The following CORO7 variants were observed in gnomAD, a reference collection of about 807,000 sequenced individuals.
CORO7 encodes the protein coronin 7.
In CORO7, 107 loss-of-function variants were observed where a neutral mutation model predicts 126.6. The ratio of observed to expected loss-of-function variants is 0.85; its 90% CI spans 0.72 to 0.99. The LOEUF (loss-of-function observed/expected upper bound fraction) is 0.99, where lower values mean the gene tolerates loss of function less well. Ranked by LOEUF, CORO7 falls within the 50% of genes least tolerant of loss-of-function variation. The pLI is 0.00. For missense variants in CORO7, 1,314 were observed against 1,255.8 expected, an observed-to-expected ratio of 1.05 and a Z score of -0.70; for synonymous variants, 603 against 536.8, an observed-to-expected ratio of 1.12 and a Z score of -1.70.
chr16:4,359,434 C>T, intron 22 of CORO7, 46 bp downstream of exon 22: 4 of 1,613,450 alleles, frequency 2.5e-6, no homozygotes, highest in Non-Finnish European at 2.5e-6. Flanking sequence ...ACTGGCCTTC[C>T]CCCCACCACC....
chr16:4,355,271 C>A lies in CORO7; in HGVS notation c.2772+15G>T. 1 of 1,613,108 alleles carries A rather than the reference C, an allele frequency of 6.2e-7. No homozygotes were observed. The highest frequency in any genetic ancestry group is 8.5e-7 in the Non-Finnish European group (1 of 1,179,760). On this transcript the variant is annotated intron_variant, in intron 27 of 27. Transcript: ENST00000251166. ...CCGCGCTGCCTGCCGGGAAGTGAGG[C>A]CACTCACTACTCACCCACTCGTCCT...
intron 9 of CORO7, chr16:4,381,629 G>A (rs576963574): frequency 1.2e-5 from 19 of 1,598,430 alleles, no homozygotes; most frequent in African/African-American, 4.0e-5. Flanking sequence ...GGCAACACCC[G>A]CATTGCCCAG....
chr16:4,382,225 C>T (rs764619660), intron 9 of CORO7: 21 of 1,604,840 alleles, frequency 1.3e-5, no homozygotes, highest in South Asian at 1.2e-4. Flanking sequence ...GCAGGGGACA[C>T]GGCCCAGCCC....
chr16:4,358,236 C>G, intron 24 of CORO7, 131 bp downstream of exon 24: 1 of 1,531,102 alleles, frequency 6.5e-7, no homozygotes, highest in Non-Finnish European at 8.8e-7. Context: ...TTCAGCATCT[C>G]AGCAGAAGGG....
intron 9 of CORO7, among the ~76,000 whole-genome samples, chr16:4,367,931 A>T (rs972482691): frequency 6.6e-5 from 10 of 152,212 alleles, no homozygotes; most frequent in African/African-American, 2.4e-4. Context: ...CTAGTGACTC[A>T]TGTCTGTGAT....
intron 6 of CORO7, among the ~76,000 whole-genome samples, chr16:4,400,821 T>TAATAATAATAATAAC (rs1382557219): frequency 1.3e-5 from 2 of 149,190 alleles, no homozygotes; most frequent in African/African-American, 4.9e-5. Flanking sequence ...ATAATAATAA[T>TAATAATAATAATAAC]AATAATAATA....
intron 9 of CORO7, among the ~76,000 whole-genome samples, chr16:4,368,950 C>T (rs1046989448): frequency 6.6e-6 from 1 of 152,148 alleles, no homozygotes; most frequent in African/African-American, 2.4e-5. Context: ...CTCCTGTGGC[C>T]CCTCTGCTGC....
At chr16:4,371,488 C>T (rs2054518506) in intron 9 of CORO7, among the ~76,000 whole-genome samples, 1 of 152,260 alleles carries the variant, frequency 6.6e-6, no homozygotes, top group South Asian at 2.1e-4. Context: ...CCACTCCCGC[C>T]ATCCTGCCTC....
chr16:4,410,653 C>T (rs1395300668), intron 3 of CORO7, among the ~76,000 whole-genome samples: 5 of 152,182 alleles, frequency 3.3e-5, no homozygotes, highest in Non-Finnish European at 7.3e-5. Flanking sequence ...GTGAAAGATG[C>T]CAGATTCCAA....
chr16:4,382,933 C>G (rs2055053775), intron 9 of CORO7: 1 of 1,462,312 alleles, frequency 6.8e-7, no homozygotes, highest in Non-Finnish European at 9.0e-7. Flanking sequence ...GGGCCGGGCT[C>G]TCAGCCAGTG....
At chr16:4,401,530 C>T (rs754785175) in intron 6 of CORO7, among the ~76,000 whole-genome samples, 2 of 152,096 alleles carry the variant, frequency 1.3e-5, no homozygotes, top group Non-Finnish European at 2.9e-5. Context: ...CTCCACACCT[C>T]GGATTCAGAG....
intron 21 of CORO7, 74 bp from the exon 22 acceptor site, chr16:4,359,695 G>C: frequency 6.6e-7 from 1 of 1,512,462 alleles, no homozygotes; most frequent in Non-Finnish European, 8.9e-7. Flanking sequence ...AGGCGCCCAC[G>C]TAGCCCCTGC....
At chr16:4,376,077 CA>C (rs1480808694) in intron 9 of CORO7, among the ~76,000 whole-genome samples, 1 of 152,172 alleles carries the variant, frequency 6.6e-6, no homozygotes, top group Non-Finnish European at 1.5e-5. Context: ...AATCACCAGC[CA>C]GGGGTCCCCG....
At chr16:4,388,111 C>T (rs374873188) in intron 8 of CORO7, 43 bp from the exon 9 acceptor site, 23 of 1,583,682 alleles carry the variant, frequency 1.5e-5, no homozygotes, top group Non-Finnish European at 1.9e-5. Context: ...GCCTGTCCCT[C>T]AGCCCCACCC....
chr16:4,378,581 AG>A (rs1442176790), intron 9 of CORO7, among the ~76,000 whole-genome samples: 2 of 152,070 alleles, frequency 1.3e-5, no homozygotes, highest in Non-Finnish European at 2.9e-5. Context: ...AGAGAAGGCT[AG>A]GGGTGTGGCC....
At chr16:4,400,853 A>G (rs1272207962) in intron 6 of CORO7, among the ~76,000 whole-genome samples, 1 of 151,270 alleles carries the variant, frequency 6.6e-6, no homozygotes, top group Non-Finnish European at 1.5e-5. Flanking sequence ...TGGTTCCTCA[A>G]TTGAAACAAC....
intron 12 of CORO7, 32 bp downstream of exon 12, chr16:4,364,743 C>T: frequency 7.5e-6 from 12 of 1,599,376 alleles, no homozygotes; most frequent in African/African-American, 1.3e-5. Flanking sequence ...GACTCCCCAG[C>T]CCCCGCAGTC....
At position 4,359,505 on chromosome 16, in the gene CORO7, G is replaced by C. The variant is rs771101075; in HGVS notation, c.2225C>G (p.Thr742Ser). The C allele has an allele frequency of 1.2e-6, 2 of 1,613,512 alleles. No homozygotes were observed. Among genetic ancestry groups the C allele is most frequent in the Non-Finnish European group, 8.5e-7 (1 of 1,179,978 alleles). ...CTTGCCGGTCAGGAGCACCAGGCCA[G>C]TGTCTGGGTCGTAGCTGGGCAGCAG... ...STLLPSYDPD[T>S]GLVLLTGKGD... The change falls in exon 22 of 28, where the codon ACT becomes AGT. Residue 742 changes from threonine (T) to serine (S), a missense_variant. By Grantham distance (58) the Thr-to-Ser change is moderately conservative. Coordinates refer to ENST00000251166, the MANE Select transcript of CORO7 (RefSeq NM_024535.5).
intron 9 of CORO7, among the ~76,000 whole-genome samples, chr16:4,367,053 G>A (rs2054370242): frequency 6.6e-6 from 1 of 152,142 alleles, no homozygotes; most frequent in African/African-American, 2.4e-5. Context: ...AAGCAGTCCT[G>A]CCCACCTCCC....
Sources: allele counts gnomAD v4.1 joint callset (sites outside exome capture counted in the v4.1 genomes callset), GRCh38; gene constraint gnomAD v4.1.1; transcripts MANE v1.5; gene names NCBI Gene and HGNC (gene_info 2026-07-23, HGNC 2026-07-21).